Variants in CNNM2 observed in about 807,000 individuals in gnomAD.
CNNM2 encodes metal transporter CNNM2.
CNNM2 carries 12 observed loss-of-function variants against 66.9 expected under a neutral mutation model. The observed-to-expected ratio is 0.18, with a 90% CI of 0.11 to 0.29. The LOEUF is 0.29. Ranked by LOEUF, CNNM2 falls within the 10% of genes least tolerant of loss-of-function variation. The pLI, the probability that CNNM2 is intolerant of heterozygous loss-of-function variation, is 1.00. For missense variants in CNNM2, 705 were observed against 1,167.7 expected (o/e 0.60, Z 5.77); for synonymous variants, 557 against 501.8 (o/e 1.11, Z -1.47).
At chr10:102,994,055 G>A (rs1188311550) in intron 1 of CNNM2, among the ~76,000 whole-genome samples, 1 of 152,158 alleles carries the variant, frequency 6.6e-6, no homozygotes, top group Non-Finnish European at 1.5e-5. Context: ...TCCTGCCTCA[G>A]CCTCGTGAGT....
At chr10:102,926,054 T>G (rs1304262103) in intron 1 of CNNM2, among the ~76,000 whole-genome samples, 1 of 152,230 alleles carries the variant, frequency 6.6e-6, no homozygotes, top group East Asian at 1.9e-4. Flanking sequence ...GTTAGGACTG[T>G]GGGGGTGAAG....
In CNNM2 at chr10:103,083,671, T is replaced by G. The variant is rs1384364726; in HGVS notation, c.*6491T>G. 6.6e-6 allele frequency: 1 copy of G among 152,238 alleles called. No individual in the cohort carries two copies. Among genetic ancestry groups the G allele is most frequent in the Non-Finnish European group, 1.5e-5 (1 of 68,058 alleles). 9.4% of individuals were successfully genotyped at this position (152,238 alleles called of 1,614,324 possible). A position where few individuals can be genotyped will look rare whatever the true frequency, so the allele number is the denominator to read the frequency against. On this transcript the variant is annotated 3_prime_UTR_variant, in exon 8 of 8. Transcript: ENST00000369878. ...TGCAAGGATTATAATCTGTTCTCCATCAGTTACTCTCTACATAAGAACATT... is the reference window on the plus strand; with the variant it reads ...TGCAAGGATTATAATCTGTTCTCCAGCAGTTACTCTCTACATAAGAACATT...
At chr10:102,959,699 C>T (rs1590312088) in intron 1 of CNNM2, among the ~76,000 whole-genome samples, 2 of 152,298 alleles carry the variant, frequency 1.3e-5, no homozygotes. Flanking sequence ...GCAGTGGCTT[C>T]CCAGTGTGCT....
chr10:102,998,826 A>G (rs967991828), intron 1 of CNNM2, among the ~76,000 whole-genome samples: 2 of 152,194 alleles, frequency 1.3e-5, no homozygotes, highest in Non-Finnish European at 2.9e-5. Flanking sequence ...TAAAAGACAA[A>G]CAAAAAAACC....
chr10:102,932,845 A>G (rs1221584920), intron 1 of CNNM2, among the ~76,000 whole-genome samples: 1 of 149,112 alleles, frequency 6.7e-6, no homozygotes, highest in Admixed American at 6.8e-5. Context: ...TTAACCCAAG[A>G]GGTCAAGGTT....
At chr10:103,069,340 C>T (rs1346943144) in intron 5 of CNNM2, among the ~76,000 whole-genome samples, 3 of 152,120 alleles carry the variant, frequency 2.0e-5, no homozygotes, top group African/African-American at 7.2e-5. Context: ...GCACCTGGGA[C>T]TGGCGCTACG....
chr10:102,985,775 C>T (rs780728534), intron 1 of CNNM2, among the ~76,000 whole-genome samples: 27 of 152,174 alleles, frequency 1.8e-4, no homozygotes, highest in Non-Finnish European at 2.8e-4. Context: ...CATTTAATGA[C>T]AGCTGTTCAA....
chr10:102,941,286 G>T (rs1185113), intron 1 of CNNM2, among the ~76,000 whole-genome samples: 1 of 114,868 alleles, frequency 8.7e-6, no homozygotes, highest in African/African-American at 3.2e-5. Context: ...AAAAAATTAC[G>T]TAGTAGAGAT....
At chr10:103,005,273 C>G (rs2064203388) in intron 1 of CNNM2, among the ~76,000 whole-genome samples, 1 of 152,102 alleles carries the variant, frequency 6.6e-6, no homozygotes, top group African/African-American at 2.4e-5. Context: ...CTAGTTCATT[C>G]TTAAGTATAT....
chr10:102,991,846 T>G (rs1017167574), intron 1 of CNNM2, among the ~76,000 whole-genome samples: 23 of 152,226 alleles, frequency 1.5e-4, no homozygotes, highest in Non-Finnish European at 2.6e-4. Context: ...GAGTTCTTAA[T>G]AGTTTAACCA....
At chr10:102,992,952 T>C (rs2063924613) in intron 1 of CNNM2, among the ~76,000 whole-genome samples, 1 of 152,204 alleles carries the variant, frequency 6.6e-6, no homozygotes, top group South Asian at 2.1e-4. Flanking sequence ...CTTACTAATG[T>C]GTAGGTCAGT....
chr10:102,968,448 T>C (rs556871274), intron 1 of CNNM2, among the ~76,000 whole-genome samples: 2 of 152,236 alleles, frequency 1.3e-5, no homozygotes, highest in South Asian at 4.1e-4. Flanking sequence ...GGTTTCACCA[T>C]ATTGACCAGG....
intron 1 of CNNM2, among the ~76,000 whole-genome samples, chr10:102,953,165 C>G (rs1846903670): frequency 6.6e-6 from 1 of 152,130 alleles, no homozygotes; most frequent in Non-Finnish European, 1.5e-5. Flanking sequence ...TTTAAAAAAT[C>G]AAAAGTGCTG....
intron 1 of CNNM2, among the ~76,000 whole-genome samples, chr10:103,033,298 C>A (rs2064865660): frequency 6.6e-6 from 1 of 152,004 alleles, no homozygotes; most frequent in Non-Finnish European, 1.5e-5. Context: ...AAGCAATTCT[C>A]CTGCCTCAGC....
chr10:102,960,574 T>C (rs909908741), intron 1 of CNNM2, among the ~76,000 whole-genome samples: 2 of 152,190 alleles, frequency 1.3e-5, no homozygotes, highest in African/African-American at 4.8e-5. Flanking sequence ...TACACCGGGT[T>C]GTAATTTTTG....
At position 103,082,531 on chromosome 10, in the gene CNNM2, T is replaced by C. The variant is rs1403716140; in HGVS notation, c.*5351T>C. 1 of 152,242 alleles carries C rather than the reference T, an allele frequency of 6.6e-6. No individual in the cohort carries two copies. Among genetic ancestry groups the C allele is most frequent in the East Asian group, 1.9e-4 (1 of 5,204 alleles). 9.4% of individuals were successfully genotyped at this position (152,242 alleles called of 1,614,324 possible). A position where few individuals can be genotyped will look rare whatever the true frequency, so the allele number is the denominator to read the frequency against. ...CCTTTAAACCCACAAATGTATATGC[T>C]TTATTTTATATTATTTATTATGTAC... On this transcript the variant is annotated 3_prime_UTR_variant, in exon 8 of 8. Coordinates refer to ENST00000369878, the MANE Select transcript of CNNM2 (RefSeq NM_017649.5).
At chr10:103,040,677 G>A (rs1443960120) in intron 1 of CNNM2, among the ~76,000 whole-genome samples, 1 of 151,502 alleles carries the variant, frequency 6.6e-6, no homozygotes, top group East Asian at 1.9e-4. Context: ...CCATGTTGTA[G>A]CACACTGAGC....
chr10:102,936,576 G>A (rs1846250428), intron 1 of CNNM2, among the ~76,000 whole-genome samples: 1 of 150,796 alleles, frequency 6.6e-6, no homozygotes, highest in South Asian at 2.1e-4. Flanking sequence ...AGAGGGGTGA[G>A]ATTCTGCTGG....
At chr10:103,024,774 G>A (rs186673763) in intron 1 of CNNM2, among the ~76,000 whole-genome samples, 54 of 151,986 alleles carry the variant, frequency 3.6e-4, no homozygotes, top group Middle Eastern at 3.4e-3. Flanking sequence ...CACCGCACCC[G>A]GCCGATATTG....
Sources: gnomAD v4.1 joint callset for allele counts (sites outside exome capture counted in the v4.1 genomes callset) on GRCh38, gnomAD v4.1.1 for gene constraint, MANE v1.5 for transcripts, NCBI Gene and HGNC (gene_info 2026-07-23, HGNC 2026-07-21) for gene names.